Variants in EIF3I observed in about 807,000 individuals in gnomAD.
EIF3I encodes eukaryotic translation initiation factor 3 subunit I, also known as TGF-beta receptor-interacting protein 1.
Under a neutral mutation model 43.3 loss-of-function variants are expected in EIF3I, and 20 were observed. The observed-to-expected ratio is 0.46, with a 90% CI of 0.32 to 0.67. The LOEUF (loss-of-function observed/expected upper bound fraction) is 0.67. Among genes scored for constraint, EIF3I ranks in the 30% least tolerant of loss-of-function variants. The pLI is 0.03. For missense variants in EIF3I, 279 were observed against 421.4 expected, an observed-to-expected ratio of 0.66 and a Z score of 2.96; for synonymous variants, 167 against 151.7, an observed-to-expected ratio of 1.10 and a Z score of -0.74.
intron 9 of EIF3I, among the ~76,000 whole-genome samples, chr1:32,229,874 A>G (rs1350955038): frequency 6.6e-6 from 1 of 151,900 alleles, no homozygotes; most frequent in African/African-American, 2.4e-5. Flanking sequence ...TCTATGTCTA[A>G]ATTTCCTCTA....
At chr1:32,226,668 G>A (rs1394301851) in intron 6 of EIF3I, 138 bp downstream of exon 6, 1 of 952,018 alleles carries the variant, frequency 1.1e-6, no homozygotes, top group Non-Finnish European at 1.4e-6. Flanking sequence ...CCTGGTTCAA[G>A]CAATTCCCCT....
chr1:32,235,978 G>A (rs1639293651), downstream of EIF3I, among the ~76,000 whole-genome samples: 1 of 152,118 alleles, frequency 6.6e-6, no homozygotes, highest in African/African-American at 2.4e-5. Flanking sequence ...CCACTGCCTT[G>A]AGGATAAAGT....
downstream of EIF3I, chr1:32,235,001 C>T (rs181333446): frequency 2.2e-4 from 33 of 153,066 alleles, no homozygotes; most frequent in Admixed American, 2.2e-3. Context: ...GCCTGCTTTA[C>T]ATGTTACAGT....
chr1:32,227,876 G>A (rs1415282823), intron 6 of EIF3I, among the ~76,000 whole-genome samples: 1 of 152,212 alleles, frequency 6.6e-6, no homozygotes, highest in Non-Finnish European at 1.5e-5. Flanking sequence ...GAACAAAGAA[G>A]TAAATCAGAT....
Position 32,226,157 on chromosome 1 carries a change from T to C in EIF3I, c.251-14T>C. On this transcript the variant is annotated splice_polypyrimidine_tract_variant and intron_variant, in intron 4 of 11. Coordinates refer to ENST00000676679, the Ensembl canonical transcript of EIF3I. ...TGCAATGGATGGTGTAGCCCAGACT[T>C]TGCCTGACTCCAGGAAAGCAGCTGG... 1 of 1,613,750 alleles carries C rather than the reference T, an allele frequency of 6.2e-7. No homozygotes were observed. Among genetic ancestry groups the C allele is most frequent in the East Asian group, 2.2e-5 (1 of 44,888 alleles).
downstream of EIF3I, chr1:32,234,468 C>T (rs750298323): frequency 2.6e-5 from 4 of 152,692 alleles, no homozygotes; most frequent in Non-Finnish European, 5.9e-5. Context: ...CAAACAGCGC[C>T]AACAGTAGCC....
At chr1:32,225,794 G>A (rs1240847195) in intron 4 of EIF3I, among the ~76,000 whole-genome samples, 3 of 151,500 alleles carry the variant, frequency 2.0e-5, no homozygotes, top group Non-Finnish European at 2.9e-5. Flanking sequence ...AGGCTGAGGC[G>A]GGCGGATCAC....
At chr1:32,228,436 T>A in intron 6 of EIF3I, 63 bp from the exon 7 acceptor site, 1 of 1,419,202 alleles carries the variant, frequency 7.0e-7, no homozygotes, top group Non-Finnish European at 1.0e-6. Context: ...GTGCTTGGGT[T>A]TCTGGGGAGC....
At chr1:32,235,884 G>T (rs1639292378), downstream of EIF3I, among the ~76,000 whole-genome samples, 1 of 152,228 alleles carries the variant, frequency 6.6e-6, no homozygotes, top group Admixed American at 6.5e-5. Context: ...CCCAGAAACT[G>T]CTCTGTTCAA....
chr1:32,222,760 C>A, intron 2 of EIF3I, 130 bp downstream of exon 2: 2 of 910,980 alleles, frequency 2.2e-6, no homozygotes, highest in Non-Finnish European at 3.4e-6. Context: ...AGAGGCCATG[C>A]CGGGGGTAGG....
At chr1:32,230,892 T>C in intron 10 of EIF3I, 35 bp from the exon 10 acceptor site, 1 of 1,509,878 alleles carries the variant, frequency 6.6e-7, no homozygotes, top group Non-Finnish European at 9.0e-7. Flanking sequence ...TGGAAGAAGA[T>C]AGAAAGTGAA....
At chr1:32,228,673 C>T (rs774288493) in intron 7 of EIF3I, 54 bp from the exon 8 acceptor site, 118 of 1,603,812 alleles carry the variant, frequency 7.4e-5, no homozygotes, top group Non-Finnish European at 9.6e-5. Context: ...TCACCCTGCC[C>T]GACTTCCCCC....
downstream of EIF3I, among the ~76,000 whole-genome samples, chr1:32,232,372 A>C (rs549437768): frequency 2.0e-5 from 3 of 152,248 alleles, no homozygotes; most frequent in African/African-American, 7.2e-5. Flanking sequence ...GGAACAAGAC[A>C]AAGTCCTACT....
downstream of EIF3I, among the ~76,000 whole-genome samples, chr1:32,233,316 G>A (rs1054315611): frequency 2.0e-5 from 3 of 152,120 alleles, no homozygotes; most frequent in Admixed American, 6.6e-5. Context: ...CAACATGCCC[G>A]GCTAATTTTT....
downstream of EIF3I, chr1:32,231,453 T>C (rs1470116083): frequency 7.8e-6 from 3 of 383,508 alleles, no homozygotes; most frequent in South Asian, 2.6e-5. Flanking sequence ...ATCACGTCAT[T>C]GCACTCCATC....
intron 6 of EIF3I, 37 bp downstream of exon 6, chr1:32,226,567 A>AT (rs373073695): frequency 0.097 from 123,711 of 1,269,418 alleles, 413 homozygotes; most frequent in East Asian, 0.13. Flanking sequence ...TACCAGAATA[A>AT]TTTTTTTTTT....
At chr1:32,231,210 C>T (rs750271761) in exon 12 of EIF3I, 2 of 1,612,348 alleles carry the variant, frequency 1.2e-6, no homozygotes, top group East Asian at 2.2e-5. Flanking sequence ...GCTGGATCTC[C>T]TGCCGGGCGT....
intron 4 of EIF3I, 122 bp from the exon 5 acceptor site, chr1:32,226,049 A>T: frequency 7.6e-7 from 1 of 1,316,022 alleles, no homozygotes; most frequent in Non-Finnish European, 1.0e-6. Context: ...GAAAAGTTAA[A>T]ATACTTTTTA....
exon 4 of EIF3I, chr1:32,224,474 A>G (rs763700149): frequency 2.5e-6 from 4 of 1,613,096 alleles, no homozygotes; most frequent in African/African-American, 1.3e-5. Context: ...ACTGTGAAAC[A>G]GGTAAGCTGG....
Sources: gnomAD v4.1 joint callset for allele counts (sites outside exome capture counted in the v4.1 genomes callset) on GRCh38, gnomAD v4.1.1 for gene constraint, MANE v1.5 for transcripts, NCBI Gene and HGNC (gene_info 2026-07-23, HGNC 2026-07-21) for gene names.